CDIN1: variants seen among roughly 807,000 people sequenced by gnomAD.
CDIN1 encodes CDAN1-interacting nuclease 1.
A neutral mutation model predicts 45.3 loss-of-function variants in CDIN1; 33 were observed. The observed-to-expected ratio is 0.73, with a 90% CI of 0.55 to 0.97. CDIN1 has a LOEUF of 0.97. Ranked by LOEUF, CDIN1 falls within the 50% of genes least tolerant of loss-of-function variation. The probability of loss-of-function intolerance (pLI) is 0.00; values close to 1 mark genes in which losing one functional copy is unlikely to be tolerated. For missense variants in CDIN1, 303 were observed against 339.4 expected (o/e 0.89, Z 0.84); for synonymous variants, 118 against 124.4 (o/e 0.95, Z 0.34).
intron 5 of CDIN1, among the ~76,000 whole-genome samples, chr15:36,665,267 A>T (rs2041205002): frequency 1.3e-5 from 2 of 152,200 alleles, no homozygotes; most frequent in African/African-American, 4.8e-5. Context: ...TTGTATTGAA[A>T]GATTTTGTCA....
intron 10 of CDIN1, among the ~76,000 whole-genome samples, chr15:36,774,584 A>G (rs1002859908): frequency 3.3e-5 from 5 of 152,036 alleles, no homozygotes; most frequent in East Asian, 1.9e-4. Flanking sequence ...GAAAATCCCA[A>G]TGTGCTGTTG....
intron 10 of CDIN1, among the ~76,000 whole-genome samples, chr15:36,715,519 T>C (rs2043188864): frequency 6.6e-6 from 1 of 152,214 alleles, no homozygotes; most frequent in Non-Finnish European, 1.5e-5. Flanking sequence ...TATTTCGGTC[T>C]TGTTAAAAAC....
intron 1 of CDIN1, among the ~76,000 whole-genome samples, chr15:36,606,020 A>G (rs1177598989): frequency 6.6e-6 from 1 of 152,034 alleles, no homozygotes; most frequent in East Asian, 1.9e-4. Context: ...CTTGAGGACA[A>G]GGAGTTTTTT....
chr15:36,705,378 T>G (rs2042825188), intron 8 of CDIN1: 1 of 152,144 alleles, frequency 6.6e-6, no homozygotes, highest in African/African-American at 2.4e-5. Context: ...GAAAATAAAT[T>G]TTTCCCCACT....
intron 1 of CDIN1, chr15:36,617,664 G>A (rs1048268025): frequency 2.6e-6 from 2 of 767,264 alleles, no homozygotes; most frequent in Non-Finnish European, 4.8e-6. Context: ...GTAAAAAAGT[G>A]AGCCAAGTCA....
In CDIN1 at chr15:36,692,264, G is replaced by T. The variant is rs1481596245; in HGVS notation, c.476+89G>T. 7 of 1,274,660 alleles carry T rather than the reference G, an allele frequency of 5.5e-6. No homozygotes were observed. In the Admixed American group the frequency reaches 1.5e-4, roughly 28 times the overall value. 79.0% of individuals were successfully genotyped at this position (1,274,660 alleles called of 1,614,324 possible). On this transcript the variant is annotated intron_variant, in intron 7 of 10. Transcript: ENST00000566621. ...TAGCTTTAACCTGACATAAAGTTCT[G>T]CTTCACAAAACACATTTCATACTCT...
intron 3 of CDIN1, among the ~76,000 whole-genome samples, chr15:36,651,880 T>C (rs10518896): frequency 0.034 from 5,158 of 152,364 alleles, 118 homozygotes; most frequent in Non-Finnish European, 0.053. Flanking sequence ...ATTGTAGTTA[T>C]GGTTTAATCA....
Position 36,747,167 on chromosome 15 carries a change from T to A in CDIN1, c.716+37206T>A, listed in dbSNP as rs941781340. On this transcript the variant is annotated intron_variant, in intron 10 of 10. Transcript: ENST00000566621. ...TTCAACCAGCATGTGTTTCCTCATC[T>A]TAAACAATAAGTAGCAATGTTTGGA... 5.6e-5 allele frequency: 22 copies of A among 393,268 alleles called. No homozygotes were observed. The Admixed American group carries it at 5.8e-4, about 10-fold the overall frequency. 24.4% of individuals were successfully genotyped at this position (393,268 alleles called of 1,614,324 possible).
chr15:36,629,072 A>G (rs2039571472), intron 1 of CDIN1, among the ~76,000 whole-genome samples: 1 of 152,176 alleles, frequency 6.6e-6, no homozygotes, highest in Non-Finnish European at 1.5e-5. Context: ...ATTCTCCTCT[A>G]GAGCCTCTGG....
At chr15:36,722,143 T>C (rs11858979) in intron 10 of CDIN1, among the ~76,000 whole-genome samples, 24,505 of 152,222 alleles carry the variant, frequency 0.16, 2,496 homozygotes, top group Middle Eastern at 0.24. Context: ...TCAATTATGA[T>C]TTTAACACAT....
In CDIN1 at chr15:36,703,219, A is replaced by AATATATATATATATATATATAT. The variant is rs71126233; in HGVS notation, c.544+5843_544+5844insATATATATATATATATATATAT. On this transcript the variant is annotated intron_variant, in intron 8 of 10. Coordinates refer to ENST00000566621, the MANE Select transcript of CDIN1 (RefSeq NM_001321759.2). ...GGCAATAGAGTGAGACCCTGTCTCA[A>AATATATATATATATATATATAT]ATATATATATATATCAGATATATAT... 2.2e-3 allele frequency among the ~76,000 whole-genome samples: 124 copies of AATATATATATATATATATATAT among 57,348 alleles called. 26 individuals carry two copies. Among genetic ancestry groups the AATATATATATATATATATATAT allele is most frequent in the Non-Finnish European group, 3.6e-3 (106 of 29,796 alleles). 37.6% of individuals were successfully genotyped at this position (57,348 alleles called of 152,430 possible).
intron 10 of CDIN1, among the ~76,000 whole-genome samples, chr15:36,719,781 C>G (rs2043343367): frequency 6.6e-6 from 1 of 152,084 alleles, no homozygotes. Context: ...AGATTTTTAA[C>G]TATAAAATCG....
At chr15:36,698,664 G>A (rs762601669) in intron 8 of CDIN1, among the ~76,000 whole-genome samples, 3 of 152,130 alleles carry the variant, frequency 2.0e-5, no homozygotes, top group Non-Finnish European at 4.4e-5. Context: ...TCAGATAGAG[G>A]CCTATATGTC....
chr15:36,664,814 G>A (rs1034285336), intron 5 of CDIN1, among the ~76,000 whole-genome samples: 1 of 152,226 alleles, frequency 6.6e-6, no homozygotes, highest in African/African-American at 2.4e-5. Flanking sequence ...CCAAAGTGCT[G>A]GGATTACAGG....
At chr15:36,671,001 T>C (rs569575131) in intron 5 of CDIN1, among the ~76,000 whole-genome samples, 1 of 152,294 alleles carries the variant, frequency 6.6e-6, no homozygotes, top group African/African-American at 2.4e-5. Context: ...AAACTTATTC[T>C]TACCACTTTA....
intron 1 of CDIN1, chr15:36,613,326 GTGC>G (rs1169668089): frequency 4.5e-5 from 30 of 673,906 alleles, no homozygotes; most frequent in Middle Eastern, 7.8e-4. Context: ...GCAAGTCACT[GTGC>G]TATATATTGA....
At position 36,800,895 on chromosome 15, in the gene CDIN1, GTGTGTGTGTGTGTGTATA is replaced by G. The variant is rs1165353972; in HGVS notation, c.717-7427_717-7410del. On this transcript the variant is annotated intron_variant, in intron 10 of 10. Coordinates refer to ENST00000566621, the MANE Select transcript of CDIN1 (RefSeq NM_001321759.2). ...TGTGTATATATGTGTGTGTGTGTGT[GTGTGTGTGTGTGTGTATA>G]TATATATATATATATATATATATAT... is the stretch of plus-strand genomic sequence containing the variant. 2.9e-4 allele frequency among the ~76,000 whole-genome samples: 8 copies of G among 27,326 alleles called. No individual in the cohort carries two copies. The Admixed American group carries it at 3.3e-3, about 11-fold the overall frequency. The allele number at this position is 27,326 out of a possible 152,430, so 17.9% of individuals were successfully genotyped here. A position where few individuals can be genotyped will look rare whatever the true frequency, so the allele number is the denominator to read the frequency against.
Position 36,746,669 on chromosome 15 carries a change from C to CCACACACACACACACACACACA in CDIN1, c.716+36716_716+36737dup, listed in dbSNP as rs34320677. On this transcript the variant is annotated intron_variant, in intron 10 of 10. Transcript: ENST00000566621. ...GCATATCATATATAAATATATGGTT[C>CCACACACACACACACACACACA]CACACACACACACACACACACACAC... Among the ~76,000 whole-genome samples the CCACACACACACACACACACACA allele has an allele frequency of 1.3e-3, 190 of 141,502 alleles. 2 individuals carry two copies. Among genetic ancestry groups the CCACACACACACACACACACACA allele is most frequent in the Admixed American group, 2.4e-3 (33 of 13,874 alleles). The allele number at this position is 141,502 out of a possible 152,430, so 92.8% of individuals were successfully genotyped here. A position where few individuals can be genotyped will look rare whatever the true frequency, so the allele number is the denominator to read the frequency against.
chr15:36,652,237 T>C (rs2040601157), intron 3 of CDIN1, among the ~76,000 whole-genome samples: 1 of 152,226 alleles, frequency 6.6e-6, no homozygotes, highest in African/African-American at 2.4e-5. Flanking sequence ...ATAATCTCTG[T>C]GATGATGGGA....
Sources: allele counts gnomAD v4.1 joint callset (sites outside exome capture counted in the v4.1 genomes callset), GRCh38; gene constraint gnomAD v4.1.1; transcripts MANE v1.5; gene names NCBI Gene and HGNC (gene_info 2026-07-23, HGNC 2026-07-21).